FOXP1: variants seen among roughly 807,000 people sequenced by gnomAD.
FOXP1 encodes forkhead box protein P1.
FOXP1 carries 15 observed loss-of-function variants against 98.2 expected under a neutral mutation model. That is an observed-to-expected ratio of 0.15 (90% CI 0.10 to 0.24). The LOEUF is 0.24. FOXP1 is among the 10% of genes least tolerant of loss of function. The probability of loss-of-function intolerance (pLI) is 1.00; values close to 1 mark genes in which losing one functional copy is unlikely to be tolerated. For synonymous variants in FOXP1, 371 were observed against 314.5 expected, an observed-to-expected ratio of 1.18 and a Z score of -1.90; for missense variants, 633 against 848.5, an observed-to-expected ratio of 0.75 and a Z score of 3.15.
intron 7 of FOXP1, among the ~76,000 whole-genome samples, chr3:71,099,289 T>C (rs890794294): frequency 3.3e-5 from 5 of 152,114 alleles, no homozygotes; most frequent in Admixed American, 6.5e-5. Flanking sequence ...GGTGGGCAAA[T>C]CATTTGAGGT....
At chr3:71,302,921 T>G (rs1048362623) in intron 4 of FOXP1, 1 of 152,154 alleles carries the variant, frequency 6.6e-6, no homozygotes, top group Admixed American at 6.5e-5. Context: ...CCTCCCTAAT[T>G]AGGACTGTTA....
chr3:71,156,922 A>T (rs948076741), intron 6 of FOXP1, among the ~76,000 whole-genome samples: 9 of 152,330 alleles, frequency 5.9e-5, no homozygotes, highest in African/African-American at 1.9e-4. Context: ...CAGGCTGGCT[A>T]ATCAGGACTG....
rs1553648184 is a variant in FOXP1 at position 70,955,832 on chromosome 3, G to GCGCACACACACACACACACACACACA, written c.*3414_*3415insTGTGTGTGTGTGTGTGTGTGTGTGCG. ...AACAGATTAACACACACGCACGCGC[G>GCGCACACACACACACACACACACACA]CACACACACACACACACACACACAA... On this transcript the variant is annotated 3_prime_UTR_variant, in exon 21 of 21. Coordinates refer to ENST00000649528, the MANE Select transcript of FOXP1 (RefSeq NM_001349338.3). 1 of 182,882 alleles carries GCGCACACACACACACACACACACACA rather than the reference G, an allele frequency of 5.5e-6. No individual in the cohort carries two copies. Among genetic ancestry groups the GCGCACACACACACACACACACACACA allele is most frequent in the African/African-American group, 2.3e-5 (1 of 43,408 alleles). 11.3% of individuals were successfully genotyped at this position (182,882 alleles called of 1,614,324 possible).
intron 12 of FOXP1, among the ~76,000 whole-genome samples, chr3:71,011,519 G>A (rs1253090671): frequency 6.6e-6 from 1 of 152,130 alleles, no homozygotes; most frequent in African/African-American, 2.4e-5. Context: ...TACTCCAACA[G>A]CCTTGGTTAA....
At chr3:71,004,737 CTTTAA>C (rs1413661008) in intron 12 of FOXP1, among the ~76,000 whole-genome samples, 1 of 152,092 alleles carries the variant, frequency 6.6e-6, no homozygotes, top group African/African-American at 2.4e-5. Context: ...ATTCCTTAAG[CTTTAA>C]TTTAAGATGA....
At position 71,435,966 on chromosome 3, in the gene FOXP1, A is replaced by AG. The variant is rs2085302660; in HGVS notation, c.-168+57459_-168+57460insC. Among the ~76,000 whole-genome samples, 5 of 37,744 alleles carry AG rather than the reference A, an allele frequency of 1.3e-4. 1 individual carries two copies. The highest frequency in any genetic ancestry group is 0.037 in the Middle Eastern group (2 of 54). 24.8% of individuals were successfully genotyped at this position (37,744 alleles called of 152,430 possible). A position where few individuals can be genotyped will look rare whatever the true frequency, so the allele number is the denominator to read the frequency against. On this transcript the variant is annotated intron_variant, in intron 3 of 20. Transcript: ENST00000649528. ...AAGGGACGGAGGGAGGGAGGGAGGA[A>AG]AAAAGGAGGGAAGGAGGGAAGGAGG...
At chr3:71,575,504 T>A (rs2047659300) in intron 2 of FOXP1, among the ~76,000 whole-genome samples, 2 of 152,100 alleles carry the variant, frequency 1.3e-5, no homozygotes, top group African/African-American at 4.8e-5. Flanking sequence ...AGGACCTCAC[T>A]TTGAACCAGG....
intron 13 of FOXP1, among the ~76,000 whole-genome samples, chr3:70,989,297 T>C (rs1239616900): frequency 8.4e-6 from 1 of 118,744 alleles, no homozygotes; most frequent in Non-Finnish European, 1.5e-5. Context: ...CCATATCACA[T>C]TTGATTTTTT....
chr3:71,544,848 C>CTTTTTTTT (rs11414939), intron 2 of FOXP1, among the ~76,000 whole-genome samples: 1 of 150,756 alleles, frequency 6.6e-6, no homozygotes, highest in Non-Finnish European at 1.5e-5. Flanking sequence ...GATAATAGGG[C>CTTTTTTTT]TTTTTTTTTC....
chr3:71,431,669 C>T (rs2084734407), intron 3 of FOXP1, among the ~76,000 whole-genome samples: 1 of 152,196 alleles, frequency 6.6e-6, no homozygotes, highest in African/African-American at 2.4e-5. Flanking sequence ...AAGGTATTTG[C>T]TAAAGTTAAT....
intron 19 of FOXP1, among the ~76,000 whole-genome samples, chr3:70,967,693 T>C (rs531792925): frequency 4.9e-4 from 59 of 120,366 alleles, no homozygotes; most frequent in African/African-American, 1.9e-3. Flanking sequence ...ATTTGTTTTT[T>C]TTTTTTGTTT....
intron 2 of FOXP1, among the ~76,000 whole-genome samples, chr3:71,556,753 A>G (rs769475282): frequency 3.3e-5 from 5 of 152,028 alleles, no homozygotes; most frequent in Non-Finnish European, 5.9e-5. Context: ...GAGAATATCA[A>G]TGTTCACCAC....
intron 11 of FOXP1, chr3:71,040,466 T>C (rs2048189761): frequency 6.6e-6 from 1 of 152,166 alleles, no homozygotes; most frequent in South Asian, 2.1e-4. Context: ...TTTAGGGGCA[T>C]TGTATTTTCT....
intron 4 of FOXP1, among the ~76,000 whole-genome samples, chr3:71,348,522 C>CGTGTGTGT (rs772944612): frequency 1.8e-3 from 124 of 69,996 alleles, no homozygotes; most frequent in African/African-American, 3.6e-3. Context: ...TGTGTGTGTG[C>CGTGTGTGT]GTGTGTGTGT....
intron 2 of FOXP1, among the ~76,000 whole-genome samples, chr3:71,493,763 C>T (rs1233827789): frequency 2.0e-5 from 3 of 152,162 alleles, no homozygotes; most frequent in Admixed American, 6.5e-5. Context: ...CACTTCAACA[C>T]GTACACTGTA....
chr3:71,277,797 T>C (rs1184698530), intron 5 of FOXP1, among the ~76,000 whole-genome samples: 1 of 151,750 alleles, frequency 6.6e-6, no homozygotes, highest in Non-Finnish European at 1.5e-5. Flanking sequence ...AAAATGGTGT[T>C]GGAGTATTTA....
intron 3 of FOXP1, among the ~76,000 whole-genome samples, chr3:71,387,600 TG>T (rs1422758111): frequency 1.3e-5 from 2 of 152,242 alleles, no homozygotes; most frequent in African/African-American, 4.8e-5. Flanking sequence ...GAATTCACAT[TG>T]GTTTTTTTCC....
At chr3:71,005,314 T>TA (rs60664354) in intron 12 of FOXP1, among the ~76,000 whole-genome samples, 5,272 of 25,222 alleles carry the variant, frequency 0.21, 1,503 homozygotes, top group East Asian at 0.33. Flanking sequence ...ATACCTGATT[T>TA]AAAAAAAAAA....
intron 7 of FOXP1, among the ~76,000 whole-genome samples, chr3:71,094,349 A>G (rs1369624318): frequency 7.3e-6 from 1 of 137,710 alleles, no homozygotes; most frequent in Non-Finnish European, 1.5e-5. Context: ...GCGTGATCTC[A>G]GCTCACTGCA....
Sources: allele counts gnomAD v4.1 joint callset (sites outside exome capture counted in the v4.1 genomes callset), GRCh38; gene constraint gnomAD v4.1.1; transcripts MANE v1.5; gene names NCBI Gene and HGNC (gene_info 2026-07-23, HGNC 2026-07-21).